The following RAPGEF6 variants were observed in gnomAD, a reference collection of about 807,000 sequenced individuals.
RAPGEF6 encodes PDZ domain containing guanine nucleotide exchange factor (GEF) 2.
In RAPGEF6, 56 loss-of-function variants were observed where a neutral mutation model predicts 171.4. The observed-to-expected ratio is 0.33, with a 90% confidence interval of 0.26 to 0.41. The LOEUF (loss-of-function observed/expected upper bound fraction) is 0.41. Ranked by LOEUF, RAPGEF6 falls within the 10% of genes least tolerant of loss-of-function variation. RAPGEF6 has a pLI of 1.00. For synonymous variants in RAPGEF6, 692 were observed against 650.1 expected, an observed-to-expected ratio of 1.06 and a Z score of -0.98; for missense variants, 1,674 against 1,921.4, an observed-to-expected ratio of 0.87 and a Z score of 2.41.
intron 7 of RAPGEF6, among the ~76,000 whole-genome samples, chr5:131,519,193 G>A (rs2149906347): frequency 6.6e-6 from 1 of 152,314 alleles, no homozygotes; most frequent in South Asian, 2.1e-4. Flanking sequence ...TAAAAGGGGA[G>A]TAATCTGCAG....
chr5:131,487,052 G>T (rs1755943707), intron 15 of RAPGEF6, among the ~76,000 whole-genome samples: 1 of 152,082 alleles, frequency 6.6e-6, no homozygotes. Context: ...CCTTCCGGTG[G>T]GTTCCTGGTC....
chr5:131,491,055 CGT>C (rs147350380), intron 14 of RAPGEF6, among the ~76,000 whole-genome samples: 3,189 of 151,190 alleles, frequency 0.021, 54 homozygotes, highest in Admixed American at 0.068. Context: ...AATGATTTCA[CGT>C]GTGTGTGTGT....
intron 24 of RAPGEF6, among the ~76,000 whole-genome samples, chr5:131,434,479 T>A (rs1366411801): frequency 1.3e-5 from 2 of 152,176 alleles, no homozygotes; most frequent in East Asian, 3.8e-4. Flanking sequence ...CCTCAAGCGA[T>A]CCTCCCGCCT....
chr5:131,513,001 G>A (rs564715413), intron 7 of RAPGEF6, among the ~76,000 whole-genome samples: 1 of 152,250 alleles, frequency 6.6e-6, no homozygotes, highest in African/African-American at 2.4e-5. Flanking sequence ...TTTTGTTACA[G>A]CAGCCTGAAT....
chr5:131,443,266 T>C (rs941739470), intron 22 of RAPGEF6, among the ~76,000 whole-genome samples: 1 of 151,520 alleles, frequency 6.6e-6, no homozygotes, highest in African/African-American at 2.4e-5. Flanking sequence ...TTAGTAGAGA[T>C]GGAGTTTCAC....
intron 7 of RAPGEF6, among the ~76,000 whole-genome samples, chr5:131,517,016 G>A (rs905171250): frequency 2.0e-5 from 3 of 152,180 alleles, no homozygotes; most frequent in African/African-American, 7.2e-5. Flanking sequence ...AAGAACTGCT[G>A]TCAGGAAAAC....
At chr5:131,487,307 G>A (rs1293470512) in intron 15 of RAPGEF6, among the ~76,000 whole-genome samples, 3 of 152,214 alleles carry the variant, frequency 2.0e-5, no homozygotes, top group South Asian at 2.1e-4. Context: ...AAAGAACAAA[G>A]CTTCCAGAGG....
At chr5:131,499,279 T>C (rs148063658) in intron 11 of RAPGEF6, among the ~76,000 whole-genome samples, 1 of 152,270 alleles carries the variant, frequency 6.6e-6, no homozygotes, top group African/African-American at 2.4e-5. Context: ...TTTCCAACTT[T>C]ATAAAAGAAT....
At chr5:131,557,155 T>G (rs941327333) in intron 5 of RAPGEF6, among the ~76,000 whole-genome samples, 10 of 152,190 alleles carry the variant, frequency 6.6e-5, no homozygotes, top group Non-Finnish European at 1.3e-4. Context: ...ATCCCCATTT[T>G]TAAAATATCC....
At chr5:131,579,506 G>A (rs1005211344) in intron 4 of RAPGEF6, among the ~76,000 whole-genome samples, 9 of 152,118 alleles carry the variant, frequency 5.9e-5, no homozygotes, top group African/African-American at 1.7e-4. Flanking sequence ...TGATTGGTGC[G>A]TTTACAATCC....
At chr5:131,613,690 C>A (rs1765084814) in intron 1 of RAPGEF6, among the ~76,000 whole-genome samples, 1 of 152,008 alleles carries the variant, frequency 6.6e-6, no homozygotes, top group African/African-American at 2.4e-5. Context: ...AACATATGGT[C>A]AAAAATAGCT....
At position 131,523,819 on chromosome 5, in the gene RAPGEF6, A is replaced by AC. The variant is rs1360535944; in HGVS notation, c.496-2299dup. Among the ~76,000 whole-genome samples, 767 of 84,736 alleles carry AC rather than the reference A, an allele frequency of 9.1e-3. 4 individuals are homozygous for AC. Among genetic ancestry groups the AC allele is most frequent in the African/African-American group, 0.026 (702 of 26,562 alleles). 55.6% of individuals were successfully genotyped at this position (84,736 alleles called of 152,430 possible). A position where few individuals can be genotyped will look rare whatever the true frequency, so the allele number is the denominator to read the frequency against. ...AAACAAACAAACAAACAAAAAACCC[A>AC]CCCCAAAACAAACAATCCCCCCATA... On this transcript the variant is annotated intron_variant, in intron 6 of 27. Transcript: ENST00000509018.
At chr5:131,567,969 CTT>C (rs377120037) in intron 4 of RAPGEF6, among the ~76,000 whole-genome samples, 68 of 152,226 alleles carry the variant, frequency 4.5e-4, no homozygotes, top group African/African-American at 1.6e-3. Flanking sequence ...AGTAATATTT[CTT>C]GTCTTAAAAT....
Position 131,462,060 on chromosome 5 carries a change from C to A in RAPGEF6, c.2509G>T (p.Glu837Ter), listed in dbSNP as rs201175304. The A allele has an allele frequency of 6.4e-7, 1 of 1,567,984 alleles. No homozygotes were observed. The highest frequency in any genetic ancestry group is 1.4e-5 in the African/African-American group (1 of 73,342). Residue 837 changes from glutamate to a stop codon, truncating the protein, a stop_gained, in exon 19 of 28, where the codon GAA becomes TAA. Transcript: ENST00000509018. LOFTEE classifies it high-confidence loss of function. ...GCATCTTCATCTGAACATAAGGTTT[C>A]TGTTTCCATGTTATTTTTTAAGTAA... ...RYYLKNNMET[E>*]TLCSDEDAQE... is the part of the protein sequence containing the mutation.
intron 17 of RAPGEF6, among the ~76,000 whole-genome samples, chr5:131,464,929 T>C (rs1007701908): frequency 2.6e-5 from 4 of 152,202 alleles, no homozygotes; most frequent in Non-Finnish European, 4.4e-5. Context: ...TGTATATTAA[T>C]GTTTTGTTTT....
rs768172291 is a variant in RAPGEF6, at chr5:131,446,715, T to A, written c.3201-12A>T. The A allele has an allele frequency of 6.9e-6, 11 of 1,604,196 alleles. No individual in the cohort carries two copies. The highest frequency in any genetic ancestry group is 9.4e-6 in the Non-Finnish European group (11 of 1,171,674). On this transcript the variant is annotated splice_polypyrimidine_tract_variant and intron_variant, in intron 21 of 27. Transcript: ENST00000509018. Reference sequence around the variant, plus strand: ...CTTGACTCAGTGACCTATAAGAAGATGAAAATCACAATAAGGGGCTATAGA... The same window carrying A: ...CTTGACTCAGTGACCTATAAGAAGAAGAAAATCACAATAAGGGGCTATAGA...
In RAPGEF6 at chr5:131,446,815, G is replaced by C. The variant is rs372962090; in HGVS notation, c.3201-112C>G. 50 of 980,650 alleles carry C rather than the reference G, an allele frequency of 5.1e-5. 1 individual carries two copies. The South Asian group carries it at 8.1e-4, about 16-fold the overall frequency. 60.7% of individuals were successfully genotyped at this position (980,650 alleles called of 1,614,324 possible). ...AATGCTATTGCATGCTGATGTAAAT[G>C]AGTTAAAAGATGAAGAGCATTAATG... On this transcript the variant is annotated intron_variant, in intron 21 of 27. Transcript: ENST00000509018.
intron 6 of RAPGEF6, among the ~76,000 whole-genome samples, chr5:131,539,209 C>G (rs553469815): frequency 2.6e-5 from 4 of 152,072 alleles, no homozygotes; most frequent in African/African-American, 9.7e-5. Context: ...TTAGAAGTAA[C>G]AAAAGTCTGT....
At chr5:131,440,737 C>CA (rs1168441695) in intron 23 of RAPGEF6, among the ~76,000 whole-genome samples, 2,650 of 66,436 alleles carry the variant, frequency 0.04, 91 homozygotes, top group Non-Finnish European at 0.053. Flanking sequence ...GACTCTGTCT[C>CA]AAAAAAAAAA....
Sources: allele counts gnomAD v4.1 joint callset (sites outside exome capture counted in the v4.1 genomes callset), GRCh38; gene constraint gnomAD v4.1.1; transcripts MANE v1.5; gene names NCBI Gene and HGNC (gene_info 2026-07-23, HGNC 2026-07-21).